Variants in BBS9 observed in about 807,000 individuals in gnomAD.
The protein encoded by BBS9 is Bardet-Biedl syndrome 9, also known as protein PTHB1.
A neutral mutation model predicts 117.7 loss-of-function variants in BBS9; 89 were observed. The ratio of observed to expected loss-of-function variants is 0.76; its 90% CI spans 0.64 to 0.90. The LOEUF (loss-of-function observed/expected upper bound fraction) is 0.90. Ranked by LOEUF, BBS9 falls within the 40% of genes least tolerant of loss-of-function variation. The pLI, the probability that BBS9 is intolerant of heterozygous loss-of-function variation, is 0.00. For missense variants in BBS9, 982 were observed against 1,042.2 expected (o/e 0.94, Z 0.80); for synonymous variants, 379 against 370.9 (o/e 1.02, Z -0.25).
intron 5 of BBS9, among the ~76,000 whole-genome samples, chr7:33,227,233 C>T (rs901315931): frequency 1.3e-5 from 2 of 151,736 alleles, no homozygotes; most frequent in African/African-American, 4.8e-5. Flanking sequence ...CTGCAACCTC[C>T]GCCTTCCAGG....
chr7:33,276,287 A>G (rs1800754394), intron 9 of BBS9, among the ~76,000 whole-genome samples: 1 of 152,234 alleles, frequency 6.6e-6, no homozygotes, highest in Non-Finnish European at 1.5e-5. Context: ...TGCCCTCACC[A>G]CAATTGTAAG....
intron 20 of BBS9, among the ~76,000 whole-genome samples, chr7:33,508,685 T>C (rs751141000): frequency 3.9e-5 from 6 of 152,200 alleles, no homozygotes; most frequent in Non-Finnish European, 8.8e-5. Flanking sequence ...TTCAAGATGG[T>C]GACAACAAAA....
intron 6 of BBS9, among the ~76,000 whole-genome samples, chr7:33,263,083 A>C (rs552145164): frequency 7.2e-4 from 93 of 129,540 alleles, no homozygotes; most frequent in Middle Eastern, 3.8e-3. Context: ...AATGAAATTT[A>C]TATATATTAC....
chr7:33,406,260 A>G (rs1829965266), intron 19 of BBS9, among the ~76,000 whole-genome samples: 2 of 152,124 alleles, frequency 1.3e-5, no homozygotes, highest in African/African-American at 4.8e-5. Flanking sequence ...CTTTACTTCC[A>G]AGTATGTGGT....
chr7:33,179,248 G>A (rs963369558), intron 5 of BBS9, among the ~76,000 whole-genome samples: 6 of 152,152 alleles, frequency 3.9e-5, no homozygotes, highest in African/African-American at 1.4e-4. Flanking sequence ...TTTTTTGATA[G>A]CATAACAGTG....
At chr7:33,151,574 G>A (rs1466895672) in intron 2 of BBS9, among the ~76,000 whole-genome samples, 1 of 151,932 alleles carries the variant, frequency 6.6e-6, no homozygotes, top group Non-Finnish European at 1.5e-5. Context: ...TCTTGAGATG[G>A]AGTCTTGCTG....
intron 21 of BBS9, among the ~76,000 whole-genome samples, chr7:33,611,657 T>A (rs1585474807): frequency 7.9e-6 from 1 of 127,004 alleles, no homozygotes; most frequent in East Asian, 2.2e-4. Context: ...ATATTATATA[T>A]TAAATGATTG....
intron 17 of BBS9, among the ~76,000 whole-genome samples, chr7:33,369,267 T>C (rs1822405721): frequency 6.6e-6 from 1 of 152,188 alleles, no homozygotes; most frequent in South Asian, 2.1e-4. Flanking sequence ...TTTGTTTGAC[T>C]GCAGTTGATG....
At chr7:33,393,355 G>A (rs1009662707) in intron 19 of BBS9, among the ~76,000 whole-genome samples, 2 of 152,182 alleles carry the variant, frequency 1.3e-5, no homozygotes, top group African/African-American at 4.8e-5. Flanking sequence ...GCTTTGTCCA[G>A]TACTGGCTTC....
At chr7:33,191,175 G>A (rs1419285192) in intron 5 of BBS9, among the ~76,000 whole-genome samples, 7 of 152,172 alleles carry the variant, frequency 4.6e-5, no homozygotes, top group Non-Finnish European at 2.9e-5. Flanking sequence ...GCAACATACA[G>A]TCTTTTACAT....
chr7:33,547,730 G>A lies in BBS9; in HGVS notation c.2521+13554G>A, dbSNP rs113602360. Among the ~76,000 whole-genome samples the A allele has an allele frequency of 7.0e-3, 1,062 of 152,212 alleles. 6 individuals carry two copies. Among genetic ancestry groups the A allele is most frequent in the Middle Eastern group, 0.048 (14 of 294 alleles). ...CAATCGTGCAGCTGTTTATTTTTCT[G>A]GAGCCATAGCTTTTCACTTTCATAG... On this transcript the variant is annotated intron_variant, in intron 21 of 22. Transcript: ENST00000242067.
At chr7:33,435,732 G>A (rs1225709440) in intron 19 of BBS9, among the ~76,000 whole-genome samples, 1 of 152,198 alleles carries the variant, frequency 6.6e-6, no homozygotes, top group Non-Finnish European at 1.5e-5. Flanking sequence ...CAAAATAGCA[G>A]TGCATATTTT....
intron 19 of BBS9, among the ~76,000 whole-genome samples, chr7:33,410,209 G>C (rs556182249): frequency 1.3e-5 from 2 of 152,246 alleles, no homozygotes; most frequent in South Asian, 4.2e-4. Context: ...AGAAGAGATG[G>C]CTTATTCTTC....
intron 20 of BBS9, among the ~76,000 whole-genome samples, chr7:33,506,573 T>A (rs1846184545): frequency 6.6e-6 from 1 of 152,154 alleles, no homozygotes; most frequent in South Asian, 2.1e-4. Context: ...ATGGGAAAAT[T>A]TAGGCTTTAA....
chr7:33,273,509 T>G (rs1406360037), intron 8 of BBS9, among the ~76,000 whole-genome samples: 1 of 152,152 alleles, frequency 6.6e-6, no homozygotes, highest in Non-Finnish European at 1.5e-5. Context: ...ACAATAGTAA[T>G]GTCTAATAGA....
At chr7:33,496,661 A>C (rs1296507293) in intron 19 of BBS9, among the ~76,000 whole-genome samples, 1 of 152,228 alleles carries the variant, frequency 6.6e-6, no homozygotes, top group Non-Finnish European at 1.5e-5. Flanking sequence ...AATAGCAAAA[A>C]CAGCTAAGAA....
intron 12 of BBS9, among the ~76,000 whole-genome samples, chr7:33,344,999 A>G (rs1817326687): frequency 6.6e-6 from 1 of 152,210 alleles, no homozygotes; most frequent in African/African-American, 2.4e-5. Flanking sequence ...AGCATCATAC[A>G]TAGTATACTG....
chr7:33,439,198 C>T (rs74652558), intron 19 of BBS9, among the ~76,000 whole-genome samples: 3 of 152,278 alleles, frequency 2.0e-5, no homozygotes, highest in African/African-American at 7.2e-5. Context: ...TTTCTTACTG[C>T]TGCTCACATG....
chr7:33,141,109 T>C (rs539856027), intron 1 of BBS9, among the ~76,000 whole-genome samples: 1 of 152,236 alleles, frequency 6.6e-6, no homozygotes, highest in South Asian at 2.1e-4. Flanking sequence ...TTACATAGGC[T>C]GGAGTGCTGT....
Sources: gnomAD v4.1 joint callset for allele counts (sites outside exome capture counted in the v4.1 genomes callset) on GRCh38, gnomAD v4.1.1 for gene constraint, MANE v1.5 for transcripts, NCBI Gene and HGNC (gene_info 2026-07-23, HGNC 2026-07-21) for gene names.